Variants in TNIK observed in about 807,000 individuals in gnomAD.
The protein encoded by TNIK is TRAF2 and NCK interacting kinase.
A neutral mutation model predicts 191.3 loss-of-function variants in TNIK; 49 were observed. That is an observed-to-expected ratio of 0.26 (90% CI 0.20 to 0.32). The LOEUF is 0.32. Among genes scored for constraint, TNIK ranks in the 10% least tolerant of loss-of-function variants. The pLI is 1.00. For synonymous variants in TNIK, 594 were observed against 600.9 expected (o/e 0.99, Z 0.17); for missense variants, 1,155 against 1,702.3 (o/e 0.68, Z 5.66).
intron 1 of TNIK, among the ~76,000 whole-genome samples, chr3:171,376,853 T>G (rs1232143660): frequency 6.6e-6 from 1 of 152,210 alleles, no homozygotes; most frequent in East Asian, 1.9e-4. Context: ...TACTTGATCA[T>G]CAGTGTAGGA....
At chr3:171,124,406 A>G (rs1033914302) in intron 17 of TNIK, among the ~76,000 whole-genome samples, 1 of 152,188 alleles carries the variant, frequency 6.6e-6, no homozygotes, top group Non-Finnish European at 1.5e-5. Flanking sequence ...TACCAATAAG[A>G]CTTGAGGAAA....
intron 11 of TNIK, 144 bp downstream of exon 11, chr3:171,161,126 A>C: frequency 1.5e-6 from 1 of 680,166 alleles, no homozygotes; most frequent in East Asian, 2.9e-5. Flanking sequence ...TCCCAAATTA[A>C]TGAGTATGTT....
At chr3:171,104,079 A>T (rs1323760756) in intron 21 of TNIK, among the ~76,000 whole-genome samples, 7 of 202 alleles carry the variant, frequency 0.035, no homozygotes, top group Non-Finnish European at 0.071. Context: ...AACTTAAAGG[A>T]AATTTTCAAT....
chr3:171,296,162 C>A (rs1228100369), intron 2 of TNIK, among the ~76,000 whole-genome samples: 1 of 152,126 alleles, frequency 6.6e-6, no homozygotes, highest in Non-Finnish European at 1.5e-5. Flanking sequence ...GGACTTCCAG[C>A]CTTCTCTCAG....
At chr3:171,169,232 C>G (rs1734986752) in intron 9 of TNIK, among the ~76,000 whole-genome samples, 1 of 151,604 alleles carries the variant, frequency 6.6e-6, no homozygotes, top group Admixed American at 6.6e-5. Flanking sequence ...TTCTCTTTTT[C>G]TTGCTGGCAA....
intron 28 of TNIK, among the ~76,000 whole-genome samples, chr3:171,073,381 C>T (rs1484457558): frequency 1.3e-5 from 2 of 152,050 alleles, no homozygotes; most frequent in Non-Finnish European, 2.9e-5. Flanking sequence ...CAAAAATTAA[C>T]TCACGATGGA....
At chr3:171,350,314 T>C (rs1352578804) in intron 2 of TNIK, among the ~76,000 whole-genome samples, 1 of 152,150 alleles carries the variant, frequency 6.6e-6, no homozygotes, top group Admixed American at 6.5e-5. Flanking sequence ...AGCCAATCCG[T>C]ATTTGTTGAA....
At chr3:171,376,455 G>A (rs992467000) in intron 1 of TNIK, among the ~76,000 whole-genome samples, 3 of 152,130 alleles carry the variant, frequency 2.0e-5, no homozygotes, top group African/African-American at 4.8e-5. Flanking sequence ...CACCTACTGT[G>A]TGTTATACAC....
chr3:171,222,970 G>A (rs560682080), intron 3 of TNIK, among the ~76,000 whole-genome samples: 1 of 152,284 alleles, frequency 6.6e-6, no homozygotes, highest in South Asian at 2.1e-4. Flanking sequence ...TTTCTTTTAT[G>A]TATTGGGTTT....
intron 2 of TNIK, among the ~76,000 whole-genome samples, chr3:171,338,647 C>A (rs1200673321): frequency 6.7e-6 from 1 of 149,636 alleles, no homozygotes; most frequent in East Asian, 2.0e-4. Flanking sequence ...TACCACCATG[C>A]TCAGCTAAGT....
chr3:171,070,587 G>T lies in TNIK; in HGVS notation c.3549+636C>A, dbSNP rs190906049. On this transcript the variant is annotated intron_variant, in intron 29 of 32. Coordinates refer to ENST00000436636, the MANE Select transcript of TNIK (RefSeq NM_015028.4). ...GTACTGGTCCTCCTGGTATTCGGGT[G>T]TCAGCTTCATGAGCTGGGGTCAACA... Among the ~76,000 whole-genome samples, 3 of 152,298 alleles carry T rather than the reference G, an allele frequency of 2.0e-5. No individual in the cohort carries two copies. The East Asian group carries it at 5.8e-4, about 29-fold the overall frequency.
chr3:171,152,185 G>T (rs1053728559), intron 12 of TNIK, among the ~76,000 whole-genome samples: 12 of 152,052 alleles, frequency 7.9e-5, no homozygotes, highest in African/African-American at 2.9e-4. Context: ...GATGGCTGAG[G>T]CATAAGGATT....
chr3:171,438,168 G>A (rs909734136), intron 1 of TNIK, among the ~76,000 whole-genome samples: 1 of 152,114 alleles, frequency 6.6e-6, no homozygotes, highest in Non-Finnish European at 1.5e-5. Context: ...AAGTCTAAAG[G>A]GGAGATAGAA....
chr3:171,214,800 T>C (rs897687515), intron 3 of TNIK, among the ~76,000 whole-genome samples: 2 of 152,182 alleles, frequency 1.3e-5, no homozygotes, highest in Non-Finnish European at 2.9e-5. Flanking sequence ...TTTTCAGCTA[T>C]AAATAGGAAT....
chr3:171,286,688 G>C (rs1422879046), intron 2 of TNIK, among the ~76,000 whole-genome samples: 1 of 152,180 alleles, frequency 6.6e-6, no homozygotes, highest in African/African-American at 2.4e-5. Flanking sequence ...TAAAACTTTA[G>C]AGGCAGAAAT....
chr3:171,210,895 G>A (rs899240843), intron 4 of TNIK, among the ~76,000 whole-genome samples: 1 of 150,820 alleles, frequency 6.6e-6, no homozygotes, highest in Non-Finnish European at 1.5e-5. Flanking sequence ...TGGCTTTGGG[G>A]ATGGTCCATA....
chr3:171,124,903 T>C (rs1728262452), intron 17 of TNIK, among the ~76,000 whole-genome samples: 1 of 152,198 alleles, frequency 6.6e-6, no homozygotes, highest in Admixed American at 6.5e-5. Flanking sequence ...TTTGCCCACT[T>C]TATTTTTCAT....
intron 2 of TNIK, among the ~76,000 whole-genome samples, chr3:171,306,080 G>A (rs1457586974): frequency 2.6e-5 from 4 of 152,126 alleles, no homozygotes; most frequent in South Asian, 2.1e-4. Flanking sequence ...GGATGGAACC[G>A]GAGGCCATTT....
At chr3:171,243,978 T>C (rs1745280193) in intron 2 of TNIK, among the ~76,000 whole-genome samples, 1 of 152,090 alleles carries the variant, frequency 6.6e-6, no homozygotes, top group South Asian at 2.1e-4. Flanking sequence ...TAATTTACTT[T>C]GTAAGGTCCT....
Sources: gnomAD v4.1 joint callset for allele counts (sites outside exome capture counted in the v4.1 genomes callset) on GRCh38, gnomAD v4.1.1 for gene constraint, MANE v1.5 for transcripts, NCBI Gene and HGNC (gene_info 2026-07-23, HGNC 2026-07-21) for gene names.